The following NEBL variants were observed in gnomAD, a reference collection of about 807,000 sequenced individuals.
The protein encoded by NEBL is nebulette.
In NEBL, 122 loss-of-function variants were observed where a neutral mutation model predicts 140.2. The observed-to-expected ratio is 0.87, with a 90% CI of 0.75 to 1.01. NEBL has a LOEUF of 1.01. Among genes scored for constraint, NEBL ranks in the 50% least tolerant of loss-of-function variants. The pLI is 0.00. For synonymous variants in NEBL, 436 were observed against 398.9 expected (o/e 1.09, Z -1.11); for missense variants, 1,365 against 1,231.3 (o/e 1.11, Z -1.62).
At chr10:21,052,511 G>A (rs933226597) in intron 2 of NEBL, among the ~76,000 whole-genome samples, 1 of 152,206 alleles carries the variant, frequency 6.6e-6, no homozygotes, top group Non-Finnish European at 1.5e-5. Context: ...TTCAAAGTCA[G>A]TGGAACAGGG....
chr10:21,036,282 C>T (rs1834013388), intron 2 of NEBL, among the ~76,000 whole-genome samples: 3 of 152,006 alleles, frequency 2.0e-5, no homozygotes, highest in South Asian at 4.2e-4. Context: ...AGCAAGACCT[C>T]CTTTCTACAA....
At position 20,787,282 on chromosome 10, in the gene NEBL, G is replaced by A; in HGVS notation, c.2788C>T (p.Gln930Ter). The A allele has an allele frequency of 6.2e-7, 1 of 1,613,402 alleles. No homozygotes were observed. The highest frequency in any genetic ancestry group is 8.5e-7 in the Non-Finnish European group (1 of 1,179,626). The stretch of plus-strand genomic sequence containing the variant: ...TAGCCATAGCCTTGGGAATGGCTTT[G>A]CTGATAGGCTCCGGGAAGAACAGGT... The part of the protein sequence containing the change: ...GAPVLPGAYQ[Q>*]SHSQGYGYMH... Residue 930 changes from glutamine (Q) to a stop codon, truncating the protein, a stop_gained, in exon 27 of 28, where the codon CAA becomes TAA. Transcript: ENST00000377122. LOFTEE classifies it high-confidence loss of function.
Position 20,992,009 on chromosome 10 carries a change from T to C in NEBL, c.249+28108A>G, listed in dbSNP as rs186833672. 2.5e-3 allele frequency among the ~76,000 whole-genome samples: 375 copies of C among 152,284 alleles called. 2 individuals are homozygous for C. Among genetic ancestry groups the C allele is most frequent in the Middle Eastern group, 0.02 (6 of 294 alleles). On this transcript the variant is annotated intron_variant, in intron 3 of 6. Coordinates refer to the NEBL transcript ENST00000417816. ...ATGTGTACCACATTTCTTTACACAATCCACCACTGAAACGAACCTAGGCTG... is the reference window on the plus strand; with the variant it reads ...ATGTGTACCACATTTCTTTACACAACCCACCACTGAAACGAACCTAGGCTG...
intron 2 of NEBL, among the ~76,000 whole-genome samples, chr10:21,157,432 T>C (rs1371287281): frequency 1.3e-5 from 2 of 151,960 alleles, no homozygotes. Context: ...TAGCTGGGTA[T>C]GGTGGCACGT....
At chr10:21,029,382 T>C (rs1833683697) in intron 2 of NEBL, 1 of 1,611,644 alleles carries the variant, frequency 6.2e-7, no homozygotes, top group Non-Finnish European at 8.5e-7. Context: ...GTTTACCACG[T>C]GAACCCAGCA....
chr10:21,011,535 A>C (rs531488089), intron 3 of NEBL, among the ~76,000 whole-genome samples: 3 of 152,304 alleles, frequency 2.0e-5, no homozygotes, highest in Admixed American at 2.0e-4. Flanking sequence ...TGAAGGAAGA[A>C]GAAAGCCTGG....
intron 4 of NEBL, among the ~76,000 whole-genome samples, chr10:20,882,314 G>C (rs920743136): frequency 3.3e-5 from 5 of 151,536 alleles, no homozygotes; most frequent in Non-Finnish European, 7.4e-5. Flanking sequence ...AAGGAGAAAA[G>C]AAAGAAGAGG....
At chr10:21,287,513 G>A (rs1471633623) in intron 1 of NEBL, among the ~76,000 whole-genome samples, 1 of 152,132 alleles carries the variant, frequency 6.6e-6, no homozygotes, top group African/African-American at 2.4e-5. Context: ...TTCAGCTTGG[G>A]TGACAGAGTG....
At position 20,840,856 on chromosome 10, in the gene NEBL, G is replaced by A. The variant is rs200231082; in HGVS notation, c.1228-7C>T. On this transcript the variant is annotated splice_polypyrimidine_tract_variant and splice_region_variant and intron_variant, in intron 12 of 27. Coordinates refer to ENST00000377122, the MANE Select transcript of NEBL (RefSeq NM_006393.3). ...AATCTTTTTTATATTCTTTCTATGA[G>A]ACAAGAATATCACAGTTCAAAACTT... 3.9e-5 allele frequency: 58 copies of A among 1,469,764 alleles called. No individual in the cohort carries two copies. The East Asian group carries it at 1.3e-3, about 33-fold the overall frequency. 91.0% of individuals were successfully genotyped at this position (1,469,764 alleles called of 1,614,324 possible).
intron 20 of NEBL, chr10:20,818,848 A>C (rs1838990164): frequency 2.0e-6 from 2 of 990,566 alleles, no homozygotes; most frequent in Non-Finnish European, 2.4e-6. Context: ...CAACAAGGAA[A>C]TGTGAAAAGG....
intron 3 of NEBL, among the ~76,000 whole-genome samples, chr10:21,185,487 C>CTTT (rs10612676): frequency 1.5e-4 from 11 of 72,078 alleles, no homozygotes; most frequent in Admixed American, 8.1e-4. Context: ...ATTTTCTTTC[C>CTTT]TTTTTTTTTT....
At chr10:21,281,738 G>T (rs1398408223) in intron 1 of NEBL, among the ~76,000 whole-genome samples, 1 of 151,888 alleles carries the variant, frequency 6.6e-6, no homozygotes, top group Non-Finnish European at 1.5e-5. Context: ...TATGGATTTG[G>T]AAAAATGCAT....
chr10:21,032,049 T>G (rs1337683324), intron 2 of NEBL, among the ~76,000 whole-genome samples: 1 of 152,216 alleles, frequency 6.6e-6, no homozygotes, highest in East Asian at 1.9e-4. Flanking sequence ...TATAAGAAGC[T>G]ATTAATAATT....
chr10:21,029,759 G>A (rs573638290), intron 2 of NEBL: 3 of 786,076 alleles, frequency 3.8e-6, no homozygotes, highest in Admixed American at 1.8e-5. Context: ...CGATATGGCT[G>A]GCGGTAGGGA....
chr10:20,814,450 A>G (rs538990324), intron 22 of NEBL, among the ~76,000 whole-genome samples: 4 of 152,130 alleles, frequency 2.6e-5, no homozygotes, highest in Admixed American at 6.6e-5. Flanking sequence ...AAAATTAAAA[A>G]AAAAAAAAAA....
intron 2 of NEBL, among the ~76,000 whole-genome samples, chr10:21,057,826 G>A (rs1160045671): frequency 2.0e-5 from 3 of 152,078 alleles, no homozygotes; most frequent in Non-Finnish European, 4.4e-5. Flanking sequence ...CTCCCAAAGT[G>A]AGCCACTGCA....
At chr10:20,878,709 C>A (rs12784374) in intron 5 of NEBL, among the ~76,000 whole-genome samples, 162 of 152,246 alleles carry the variant, frequency 1.1e-3, no homozygotes, top group Middle Eastern at 3.4e-3. Flanking sequence ...CTTTCTAAAT[C>A]CTATTATATG....
chr10:21,078,916 C>CCA lies in NEBL; in HGVS notation c.165-58717_165-58716dup, dbSNP rs1233778603. Among the ~76,000 whole-genome samples, 6 of 152,290 alleles carry CCA rather than the reference C, an allele frequency of 3.9e-5. No homozygotes were observed. In the East Asian group the frequency reaches 9.6e-4, roughly 24 times the overall value. ...TCCCAGATCCAGGGGATGAGTGTATCCACTGATCCAACCTTAATAAGCACG... is the reference window on the plus strand; with the variant it reads ...TCCCAGATCCAGGGGATGAGTGTATCCACACTGATCCAACCTTAATAAGCACG... On this transcript the variant is annotated intron_variant, in intron 2 of 6. Transcript: ENST00000417816.
chr10:21,077,941 A>T (rs1490635598), intron 2 of NEBL, among the ~76,000 whole-genome samples: 2 of 152,200 alleles, frequency 1.3e-5, no homozygotes, highest in Non-Finnish European at 2.9e-5. Context: ...CAACACTACA[A>T]GAGCCACCAT....
Sources: allele counts gnomAD v4.1 joint callset (sites outside exome capture counted in the v4.1 genomes callset), GRCh38; gene constraint gnomAD v4.1.1; transcripts MANE v1.5; gene names NCBI Gene and HGNC (gene_info 2026-07-23, HGNC 2026-07-21).